FLCN: variants seen among roughly 807,000 people sequenced by gnomAD.
FLCN encodes folliculin.
Under a neutral mutation model 62.5 loss-of-function variants are expected in FLCN, and 22 were observed. That is an observed-to-expected ratio of 0.35 (90% CI 0.25 to 0.50). FLCN has a LOEUF of 0.50. Ranked by LOEUF, FLCN falls within the 20% of genes least tolerant of loss-of-function variation. FLCN has a pLI of 0.97. For missense variants in FLCN, 657 were observed against 778.0 expected, an observed-to-expected ratio of 0.84 and a Z score of 1.85; for synonymous variants, 319 against 310.0, an observed-to-expected ratio of 1.03 and a Z score of -0.30.
At position 17,213,435 on chromosome 17, in the gene FLCN, T is replaced by A. The variant is rs541599658; in HGVS notation, c.*220A>T. The A allele has an allele frequency of 1.6e-6, 1 of 635,710 alleles. No homozygotes were observed. The highest frequency in any genetic ancestry group is 1.8e-5 in the South Asian group (1 of 54,380). 39.4% of individuals were successfully genotyped at this position (635,710 alleles called of 1,614,324 possible). A position where few individuals can be genotyped will look rare whatever the true frequency, so the allele number is the denominator to read the frequency against. On this transcript the variant is annotated 3_prime_UTR_variant, in exon 14 of 14. Coordinates refer to ENST00000285071, the MANE Select transcript of FLCN (RefSeq NM_144997.7). ...AGAGAGAGCCCATCATCCCTCCGCC[T>A]TTCATTGCCATCTTCAGCGATTCCA... is the stretch of plus-strand genomic sequence containing the variant.
intron 5 of FLCN, 101 bp from the exon 6 acceptor site, chr17:17,224,244 C>A: frequency 9.1e-7 from 1 of 1,104,236 alleles, no homozygotes; most frequent in Non-Finnish European, 1.3e-6. Flanking sequence ...CACAAATCAG[C>A]CAGCGTTAAT....
intron 13 of FLCN, among the ~76,000 whole-genome samples, chr17:17,214,567 C>T (rs1292429981): frequency 6.6e-6 from 1 of 151,904 alleles, no homozygotes; most frequent in Admixed American, 6.6e-5. Flanking sequence ...GCACTCCAGC[C>T]TGGGCAACAA....
intron 6 of FLCN, 91 bp from the exon 7 acceptor site, chr17:17,222,752 C>T (rs1209306417): frequency 1.0e-5 from 15 of 1,467,382 alleles, no homozygotes; most frequent in Non-Finnish European, 1.4e-5. Context: ...CAGGACCTGA[C>T]TCCTGGAGGA....
rs773168989 is a variant in FLCN at position 17,213,647 on chromosome 17, G to T, written c.*8C>A. The stretch of plus-strand genomic sequence containing the variant: ...CATCCCTGTCTTTAGGCAGGTGTGT[G>T]TGACGGGTCAGTTCCGAGACTCCGA... On this transcript the variant is annotated 3_prime_UTR_variant, in exon 14 of 14. Transcript: ENST00000285071. The T allele has an allele frequency of 1.2e-6, 2 of 1,614,176 alleles. No homozygotes were observed. Among genetic ancestry groups the T allele is most frequent in the South Asian group, 2.2e-5 (2 of 91,084 alleles).
chr17:17,221,337 G>A (rs377390020), intron 8 of FLCN, 200 bp downstream of exon 8: 36 of 1,568,084 alleles, frequency 2.3e-5, no homozygotes, highest in African/African-American at 1.1e-4. Flanking sequence ...TTCACATGGC[G>A]GTCAAGGCAA....
chr17:17,228,545 C>T lies in FLCN; in HGVS notation c.-24-384G>A, dbSNP rs185401594. The T allele has an allele frequency of 1.5e-5, 4 of 261,284 alleles. No individual in the cohort carries two copies. The Admixed American group carries it at 1.9e-4, about 13-fold the overall frequency. 16.2% of individuals were successfully genotyped at this position (261,284 alleles called of 1,614,324 possible). A position where few individuals can be genotyped will look rare whatever the true frequency, so the allele number is the denominator to read the frequency against. On this transcript the variant is annotated intron_variant, in intron 3 of 13. Transcript: ENST00000285071. The stretch of plus-strand genomic sequence containing the variant: ...AGGCCACAGGGAGAGGGTCCTCCAC[C>T]CAATACATATCTGCTTGGCACCTGC...
At chr17:17,229,634 G>A (rs11869283) in intron 3 of FLCN, among the ~76,000 whole-genome samples, 5,048 of 152,308 alleles carry the variant, frequency 0.033, 247 homozygotes, top group African/African-American at 0.11. Context: ...ACTGCACGCC[G>A]AACAGTGGTT....
chr17:17,234,947 T>C (rs145061409), intron 1 of FLCN, among the ~76,000 whole-genome samples: 2,327 of 151,896 alleles, frequency 0.015, 59 homozygotes, highest in African/African-American at 0.053. Context: ...CCGTCTCTAC[T>C]AAAAAATACA....
At chr17:17,221,233 T>C in intron 8 of FLCN, 2 of 1,534,230 alleles carry the variant, frequency 1.3e-6, no homozygotes, top group African/African-American at 1.4e-5. Flanking sequence ...CACTTGGCTA[T>C]CACAAAATCG....
chr17:17,226,187 G>C lies in FLCN; in HGVS notation c.385C>G (p.Leu129Val). The C allele has an allele frequency of 6.2e-7, 1 of 1,614,106 alleles. No individual in the cohort carries two copies. ...GCCACAAGGCTCACCTCACAGCTCA[G>C]GCTCCGGACACAGGCCTGGCGGACA... ...SIVRQACVRS[L>V]SCEVCPGREG... Residue 129 changes from leucine (L) to valine (V), a missense_variant, in exon 5 of 14, where the codon CTG (leucine) becomes GTG (valine). Leu to Val is a conservative substitution (Grantham distance 32, BLOSUM62 1). Coordinates refer to ENST00000285071, the MANE Select transcript of FLCN (RefSeq NM_144997.7).
rs150712346 is a variant in FLCN at position 17,227,892 on chromosome 17, G to A, written c.246C>T (p.Cys82=). The stretch of plus-strand genomic sequence containing the variant: ...CCAAGACCCCAAAGACACTTGCCTC[G>A]CACATGTCCGACTTTTTGGGCCCCG... The part of the protein sequence containing the change: ...SSPGPKKSDM[C]EGCRSLAAGH... The change falls in exon 4 of 14, where the codon TGC becomes TGT. Residue 82 remains cysteine (C), a synonymous_variant. Coordinates refer to ENST00000285071, the MANE Select transcript of FLCN (RefSeq NM_144997.7). 755 of 1,614,066 alleles carry A rather than the reference G, an allele frequency of 4.7e-4. No individual in the cohort carries two copies. Among genetic ancestry groups the A allele is most frequent in the Non-Finnish European group, 5.8e-4 (684 of 1,180,016 alleles).
At chr17:17,214,155 C>T (rs896718156) in intron 13 of FLCN, among the ~76,000 whole-genome samples, 14 of 146,992 alleles carry the variant, frequency 9.5e-5, no homozygotes, top group African/African-American at 3.1e-4. Flanking sequence ...GAAAGAAAAA[C>T]CTTCCTTAAA....
rs148257120 is a variant in FLCN, at chr17:17,216,482, C to T, written c.1198G>A (p.Val400Ile). ...VLRTMLPVGC[V>I]RIIPYSSQYE... ...TGGCTGCTGTATGGGATGATGCGGACGCAGCCCACGGGAAGCATGGTCTGA... is the reference window on the plus strand; with the variant it reads ...TGGCTGCTGTATGGGATGATGCGGATGCAGCCCACGGGAAGCATGGTCTGA... Residue 400 changes from valine (V) to isoleucine (I), a missense_variant, in exon 11 of 14, where the codon GTC becomes ATC. Physicochemically the swap from Val to Ile is conservative, Grantham distance 29. Coordinates refer to ENST00000285071, the MANE Select transcript of FLCN (RefSeq NM_144997.7). This position sits in a 1 kb window ranked among gnomAD's most constrained non-coding sequence, Gnocchi z 4.0. 35 of 1,613,688 alleles carry T rather than the reference C, an allele frequency of 2.2e-5. No individual in the cohort carries two copies. The highest frequency in any genetic ancestry group is 4.5e-5 in the East Asian group (2 of 44,876).
intron 9 of FLCN, among the ~76,000 whole-genome samples, chr17:17,218,007 T>C (rs903132244): frequency 3.3e-5 from 5 of 152,194 alleles, no homozygotes; most frequent in Non-Finnish European, 1.5e-5. Flanking sequence ...TTTGATGGAA[T>C]GGGTGTTTAC....
At chr17:17,228,294 C>G in intron 3 of FLCN, 133 bp from the exon 4 acceptor site, 1 of 1,105,138 alleles carries the variant, frequency 9.0e-7, no homozygotes, top group South Asian at 1.6e-5. Flanking sequence ...CGCCAGTTCC[C>G]CAGCCCCCTG....
At chr17:17,233,021 G>A (rs1268965117) in intron 1 of FLCN, 120 bp from the exon 2 acceptor site, 2 of 152,262 alleles carry the variant, frequency 1.3e-5, no homozygotes, top group Admixed American at 1.3e-4. Flanking sequence ...TGAGGATGTA[G>A]ACACTCCCCA....
At position 17,213,757 on chromosome 17, in the gene FLCN, A is replaced by G. The variant is rs1317525064; in HGVS notation, c.1638T>C (p.Asn546=). 6 of 1,614,186 alleles carry G rather than the reference A, an allele frequency of 3.7e-6. No individual in the cohort carries two copies. Among genetic ancestry groups the G allele is most frequent in the South Asian group, 1.1e-5 (1 of 91,080 alleles). ...TCATCCAGAACTTCAGCAGCTTGAC[A>G]TTGTCCTCCTCGGACGCACCCAGGA... ...LSILGASEED[N]VKLLKFWMTG... is the part of the protein sequence containing the mutation. Residue 546 remains asparagine (N), a synonymous_variant, in exon 14 of 14, where the codon AAT becomes AAC. Transcript: ENST00000285071.
intron 9 of FLCN, among the ~76,000 whole-genome samples, chr17:17,218,460 C>T (rs1490563229): frequency 1.3e-5 from 2 of 149,642 alleles, no homozygotes; most frequent in Admixed American, 1.3e-4. Flanking sequence ...TCTTGGCTCA[C>T]TGTTAACCTC....
At chr17:17,221,127 G>T in intron 8 of FLCN, 1 of 1,380,688 alleles carries the variant, frequency 7.2e-7, no homozygotes, top group South Asian at 1.5e-5. Flanking sequence ...AGGCACCTGG[G>T]AGGTCAGGGA....
Sources: allele counts gnomAD v4.1 joint callset (sites outside exome capture counted in the v4.1 genomes callset), GRCh38; gene constraint gnomAD v4.1.1; non-coding constraint Gnocchi (gnomAD v3.1); transcripts MANE v1.5; gene names NCBI Gene and HGNC (gene_info 2026-07-23, HGNC 2026-07-21).